KCNQ1: variants seen among roughly 807,000 people sequenced by gnomAD.
KCNQ1 encodes the protein potassium voltage-gated channel subfamily Q member 1, also known as potassium voltage-gated channel subfamily KQT member 1.
Under a neutral mutation model 72.4 loss-of-function variants are expected in KCNQ1, and 49 were observed. The ratio of observed to expected loss-of-function variants is 0.68; its 90% CI spans 0.54 to 0.86. The LOEUF is 0.86. Ranked by LOEUF, KCNQ1 falls within the 40% of genes least tolerant of loss-of-function variation. The pLI is 0.00. For synonymous variants in KCNQ1, 450 were observed against 412.6 expected, an observed-to-expected ratio of 1.09 and a Z score of -1.10; for missense variants, 790 against 945.1, an observed-to-expected ratio of 0.84 and a Z score of 2.15.
chr11:2,575,668 C>T (rs1166118351), intron 6 of KCNQ1, among the ~76,000 whole-genome samples: 1 of 152,256 alleles, frequency 6.6e-6, no homozygotes, highest in Non-Finnish European at 1.5e-5. Context: ...TGCTCCATGT[C>T]TGTCCGTCCG....
rs575121469 is a variant in KCNQ1 at position 2,752,280 on chromosome 11, C to T, written c.1515-16564C>T. On this transcript the variant is annotated intron_variant, in intron 11 of 15. Transcript: ENST00000155840. The surrounding 1 kb of genome is among the most constrained non-coding windows in gnomAD (Gnocchi z 5.2). ...GTGGCTTCCATGGAGCTGATCTGAA[C>T]CCAGCTGAGTGGCTTCCATGGAGCT... 6.6e-6 allele frequency among the ~76,000 whole-genome samples: 1 copy of T among 152,256 alleles called. No homozygotes were observed. Among genetic ancestry groups the T allele is most frequent in the South Asian group, 2.1e-4 (1 of 4,812 alleles).
intron 12 of KCNQ1, among the ~76,000 whole-genome samples, chr11:2,774,986 G>T (rs895536153): frequency 6.6e-6 from 1 of 152,106 alleles, no homozygotes; most frequent in Non-Finnish European, 1.5e-5. Flanking sequence ...AAATTCCCCA[G>T]CAAAAGGCAG....
At chr11:2,705,833 G>A (rs866013459) in intron 11 of KCNQ1, among the ~76,000 whole-genome samples, 3 of 152,202 alleles carry the variant, frequency 2.0e-5, no homozygotes, top group Non-Finnish European at 4.4e-5. Context: ...GCCCTGGATC[G>A]GTATTTGTAG....
intron 10 of KCNQ1, chr11:2,630,733 A>C: frequency 2.5e-6 from 1 of 398,444 alleles, no homozygotes. Flanking sequence ...TTAAGCCTGA[A>C]TAACTCCCTC....
In KCNQ1 at chr11:2,787,374, C is replaced by T. The variant is rs1846933694; in HGVS notation, c.1794+9337C>T. 6.6e-6 allele frequency among the ~76,000 whole-genome samples: 1 copy of T among 152,160 alleles called. No homozygotes were observed. Among genetic ancestry groups the T allele is most frequent in the East Asian group, 1.9e-4 (1 of 5,194 alleles). On this transcript the variant is annotated intron_variant, in intron 15 of 15. Coordinates refer to ENST00000155840, the MANE Select transcript of KCNQ1 (RefSeq NM_000218.3). This position sits in a 1 kb window ranked among gnomAD's most constrained non-coding sequence, Gnocchi z 6.3. ...GGCCTGGGCTTTGACACATAATCAT[C>T]TATTCCTGGTGAAACCAAAGCTCAA...
At chr11:2,823,280 T>C (rs1274356442) in intron 15 of KCNQ1, among the ~76,000 whole-genome samples, 2 of 152,190 alleles carry the variant, frequency 1.3e-5, no homozygotes, top group Non-Finnish European at 2.9e-5. Context: ...AGAGATGCCT[T>C]CAAAATTGTG....
intron 10 of KCNQ1, chr11:2,641,599 T>A (rs960664135): frequency 1.0e-5 from 4 of 398,412 alleles, no homozygotes; most frequent in Non-Finnish European, 1.8e-5. Flanking sequence ...CTCTTCACTC[T>A]GGTGATTGTT....
chr11:2,571,646 G>A (rs145592185), intron 4 of KCNQ1, among the ~76,000 whole-genome samples: 15 of 152,266 alleles, frequency 9.9e-5, no homozygotes, highest in African/African-American at 3.6e-4. Flanking sequence ...CAGCACTAGC[G>A]CCTCTGAACT....
In KCNQ1 at chr11:2,645,613, T is replaced by C; in HGVS notation, c.1394-16348T>C. On this transcript the variant is annotated intron_variant, in intron 10 of 15. Transcript: ENST00000155840. This position sits in a 1 kb window ranked among gnomAD's most constrained non-coding sequence, Gnocchi z 5.8. ...ATGCTTCGGCCCCAGGTGGTGACTATGGGCAGGGTCACCTTTCCTCATGGC... is the reference window on the plus strand; with the variant it reads ...ATGCTTCGGCCCCAGGTGGTGACTACGGGCAGGGTCACCTTTCCTCATGGC... The C allele has an allele frequency of 5.0e-6, 2 of 398,716 alleles. No homozygotes were observed. The highest frequency in any genetic ancestry group is 6.3e-4 in the Middle Eastern group (1 of 1,590). 24.7% of individuals were successfully genotyped at this position (398,716 alleles called of 1,614,324 possible). A position where few individuals can be genotyped will look rare whatever the true frequency, so the allele number is the denominator to read the frequency against.
At position 2,691,927 on chromosome 11, in the gene KCNQ1, T is replaced by G; in HGVS notation, c.1514+29846T>G. ...TCTATCCTCAGTCTCCTTGGCAGGT[T>G]TTCCCTTCTGGCATGGCCACTAAAT... On this transcript the variant is annotated intron_variant, in intron 11 of 15. Coordinates refer to ENST00000155840, the MANE Select transcript of KCNQ1 (RefSeq NM_000218.3). The surrounding 1 kb of genome is among the most constrained non-coding windows in gnomAD (Gnocchi z 6.4). The G allele has an allele frequency of 2.5e-6, 1 of 398,710 alleles. No homozygotes were observed. Among genetic ancestry groups the G allele is most frequent in the Non-Finnish European group, 4.4e-6 (1 of 226,160 alleles). 24.7% of individuals were successfully genotyped at this position (398,710 alleles called of 1,614,324 possible).
Position 2,691,687 on chromosome 11 carries a change from G to C in KCNQ1, c.1514+29606G>C, listed in dbSNP as rs946399278. On this transcript the variant is annotated intron_variant, in intron 11 of 15. Transcript: ENST00000155840. This position sits in a 1 kb window ranked among gnomAD's most constrained non-coding sequence, Gnocchi z 6.4. ...AAACAGAGAACCAGGTGGGGAAGGG[G>C]TCTCTCCCCATCTGTCCAGGGGAGA... 5.0e-6 allele frequency: 2 copies of C among 398,520 alleles called. No homozygotes were observed. The highest frequency in any genetic ancestry group is 4.4e-6 in the Non-Finnish European group (1 of 226,066). The allele number at this position is 398,520 out of a possible 1,614,324, so 24.7% of individuals were successfully genotyped here.
At chr11:2,466,096 G>A (rs1846347853) in intron 1 of KCNQ1, among the ~76,000 whole-genome samples, 1 of 152,228 alleles carries the variant, frequency 6.6e-6, no homozygotes, top group South Asian at 2.1e-4. Context: ...CCACCCAGGG[G>A]GCTCAGGGAC....
intron 11 of KCNQ1, chr11:2,694,865 T>C (rs751749369): frequency 2.5e-6 from 1 of 398,476 alleles, no homozygotes; most frequent in Non-Finnish European, 4.4e-6. Context: ...TCCTGTGAGA[T>C]TTAAATAAGA....
In KCNQ1 at chr11:2,486,959, G is replaced by A. The variant is rs1442211246; in HGVS notation, c.387-40969G>A. On this transcript the variant is annotated intron_variant, in intron 1 of 15. Transcript: ENST00000155840. The surrounding 1 kb of genome is among the most constrained non-coding windows in gnomAD (Gnocchi z 5.0). ...CCAAGAAATCATAGCCAAATCCAAT[G>A]TCATGAAGCTTTTGCCCTATGTTTT... Among the ~76,000 whole-genome samples, 1 of 152,142 alleles carries A rather than the reference G, an allele frequency of 6.6e-6. No individual in the cohort carries two copies. Among genetic ancestry groups the A allele is most frequent in the East Asian group, 1.9e-4 (1 of 5,198 alleles).
intron 15 of KCNQ1, among the ~76,000 whole-genome samples, chr11:2,805,813 A>T (rs574006193): frequency 2.0e-5 from 3 of 152,184 alleles, no homozygotes; most frequent in Non-Finnish European, 4.4e-5. Flanking sequence ...TGCTCCAGAA[A>T]TCGCTCTGAT....
At chr11:2,786,131 C>T (rs1846907952) in intron 15 of KCNQ1, among the ~76,000 whole-genome samples, 1 of 152,098 alleles carries the variant, frequency 6.6e-6, no homozygotes, top group Non-Finnish European at 1.5e-5. Context: ...AAATTTTCTT[C>T]AGTGAAAAAC....
intron 15 of KCNQ1, among the ~76,000 whole-genome samples, chr11:2,834,472 C>T (rs1024936122): frequency 6.6e-6 from 1 of 152,210 alleles, no homozygotes; most frequent in Non-Finnish European, 1.5e-5. Context: ...CATCCACTGC[C>T]AGCCTCTGCT....
Position 2,642,098 on chromosome 11 carries a change from A to G in KCNQ1, c.1394-19863A>G, listed in dbSNP as rs890505822. 4 of 398,466 alleles carry G rather than the reference A, an allele frequency of 1.0e-5. No homozygotes were observed. Among genetic ancestry groups the G allele is most frequent in the Non-Finnish European group, 1.8e-5 (4 of 225,970 alleles). The allele number at this position is 398,466 out of a possible 1,614,324, so 24.7% of individuals were successfully genotyped here. On this transcript the variant is annotated intron_variant, in intron 10 of 15. Transcript: ENST00000155840. The surrounding 1 kb of genome is among the most constrained non-coding windows in gnomAD (Gnocchi z 4.3). ...ATTTTTGCTCAGAATTGCTGTGGCT[A>G]TTCCAGCTCTTTTTTGGTTCCATCT...
Position 2,519,953 on chromosome 11 carries a change from G to A in KCNQ1, c.387-7975G>A, listed in dbSNP as rs534340296. On this transcript the variant is annotated intron_variant, in intron 1 of 15. Coordinates refer to ENST00000155840, the MANE Select transcript of KCNQ1 (RefSeq NM_000218.3). ...GGACAGATTCAACAAAGGAGGATCC[G>A]GCCACATGCTGCACAGCACGGGAGT... Among the ~76,000 whole-genome samples the A allele has an allele frequency of 3.3e-4, 50 of 152,322 alleles. No homozygotes were observed. The South Asian group carries it at 9.7e-3, about 30-fold the overall frequency.
Sources: allele counts gnomAD v4.1 joint callset (sites outside exome capture counted in the v4.1 genomes callset), GRCh38; gene constraint gnomAD v4.1.1; non-coding constraint Gnocchi (gnomAD v3.1); transcripts MANE v1.5; gene names NCBI Gene and HGNC (gene_info 2026-07-23, HGNC 2026-07-21).